SLC24A2: variants seen among roughly 807,000 people sequenced by gnomAD.
SLC24A2 encodes the protein sodium/potassium/calcium exchanger 2.
A neutral mutation model predicts 62.0 loss-of-function variants in SLC24A2; 36 were observed. The ratio of observed to expected loss-of-function variants is 0.58; its 90% CI spans 0.44 to 0.77. The LOEUF is 0.77. Ranked by LOEUF, SLC24A2 falls within the 30% of genes least tolerant of loss-of-function variation. The pLI is 0.00. For synonymous variants in SLC24A2, 358 were observed against 294.0 expected (o/e 1.22, Z -2.23); for missense variants, 846 against 817.9 (o/e 1.03, Z -0.42).
At chr9:19,971,782 C>T in the SLC24A2 span, among the ~76,000 whole-genome samples, 1,437 of 152,204 alleles carry the variant, frequency 9.4e-3, 20 homozygotes, top group African/African-American at 0.033. Flanking sequence ...ATGATGATGA[C>T]GATGGCTGAC....
chr9:20,084,178 C>G, the SLC24A2 span, among the ~76,000 whole-genome samples: 1 of 152,206 alleles, frequency 6.6e-6, no homozygotes, highest in African/African-American at 2.4e-5. Context: ...CCAAGTTAAA[C>G]TGGTGAGCTT....
chr9:19,648,180 A>G (rs1330151147), intron 2 of SLC24A2, among the ~76,000 whole-genome samples: 1 of 152,240 alleles, frequency 6.6e-6, no homozygotes, highest in East Asian at 1.9e-4. Context: ...TATCTTCATT[A>G]GCCACATGGG....
At chr9:19,906,907 G>A in the SLC24A2 span, among the ~76,000 whole-genome samples, 2 of 152,260 alleles carry the variant, frequency 1.3e-5, no homozygotes, top group East Asian at 1.9e-4. Context: ...ACAAGGAGGA[G>A]CTGGCACCAT....
chr9:20,080,225 T>G, the SLC24A2 span, among the ~76,000 whole-genome samples: 1 of 152,222 alleles, frequency 6.6e-6, no homozygotes, highest in African/African-American at 2.4e-5. Context: ...GACTTCAAAC[T>G]ATACTACAAG....
At chr9:20,259,639 A>G in the SLC24A2 span, among the ~76,000 whole-genome samples, 1 of 152,046 alleles carries the variant, frequency 6.6e-6, no homozygotes, top group Middle Eastern at 3.2e-3. Context: ...GAGAGACTTG[A>G]GATCCAAATA....
At chr9:19,559,102 T>C (rs1215282307) in intron 7 of SLC24A2, among the ~76,000 whole-genome samples, 2 of 152,214 alleles carry the variant, frequency 1.3e-5, no homozygotes, top group Non-Finnish European at 2.9e-5. Flanking sequence ...ACAAGAGTAT[T>C]TGGCACATAG....
At chr9:20,278,475 T>C in the SLC24A2 span, among the ~76,000 whole-genome samples, 8 of 152,178 alleles carry the variant, frequency 5.3e-5, no homozygotes, top group African/African-American at 1.9e-4. Flanking sequence ...AAGTTCAAAG[T>C]TCCACAGGTC....
chr9:20,018,501 C>T, the SLC24A2 span, among the ~76,000 whole-genome samples: 2 of 152,278 alleles, frequency 1.3e-5, no homozygotes, highest in Non-Finnish European at 2.9e-5. Context: ...GCTTCTTCTC[C>T]TTCTCCTCCT....
the SLC24A2 span, among the ~76,000 whole-genome samples, chr9:20,208,431 T>C: frequency 1.3e-5 from 2 of 152,154 alleles, no homozygotes; most frequent in African/African-American, 4.8e-5. Context: ...TTCCGGGTGG[T>C]CTGTATTCAT....
intron 7 of SLC24A2, among the ~76,000 whole-genome samples, chr9:19,562,275 GATTAAA>G (rs1434657483): frequency 6.6e-6 from 1 of 152,100 alleles, no homozygotes; most frequent in East Asian, 1.9e-4. Context: ...TTATCAACTG[GATTAAA>G]ATTAAAATTA....
At chr9:20,247,833 T>G in the SLC24A2 span, among the ~76,000 whole-genome samples, 1 of 152,360 alleles carries the variant, frequency 6.6e-6, no homozygotes, top group African/African-American at 2.4e-5. Context: ...CAAACTTATT[T>G]ACTGTGCAAA....
the SLC24A2 span, among the ~76,000 whole-genome samples, chr9:19,942,864 C>T: frequency 3.3e-5 from 5 of 152,090 alleles, no homozygotes; most frequent in Admixed American, 3.3e-4. Context: ...CGCCGATGAG[C>T]CAACAAAGAC....
the SLC24A2 span, among the ~76,000 whole-genome samples, chr9:20,047,208 A>G: frequency 1.3e-5 from 2 of 152,162 alleles, no homozygotes; most frequent in Non-Finnish European, 2.9e-5. Context: ...ATTTGAGAAC[A>G]CCAGCTTTGG....
the SLC24A2 span, among the ~76,000 whole-genome samples, chr9:19,820,034 T>C: frequency 2.9e-5 from 1 of 34,456 alleles, no homozygotes; most frequent in African/African-American, 5.7e-5. Flanking sequence ...TACACATATA[T>C]ATATATACAT....
chr9:19,992,866 G>A, the SLC24A2 span, among the ~76,000 whole-genome samples: 13 of 152,176 alleles, frequency 8.5e-5, no homozygotes, highest in Non-Finnish European at 1.9e-4. Context: ...CCTGGGAACC[G>A]CAGGACAATC....
the SLC24A2 span, among the ~76,000 whole-genome samples, chr9:20,229,819 G>C: frequency 6.6e-6 from 1 of 151,560 alleles, no homozygotes; most frequent in Non-Finnish European, 1.5e-5. Flanking sequence ...TGTCATGTTG[G>C]TATGCTGCAC....
At chr9:19,855,467 C>T in the SLC24A2 span, among the ~76,000 whole-genome samples, 1 of 152,132 alleles carries the variant, frequency 6.6e-6, no homozygotes, top group Non-Finnish European at 1.5e-5. Flanking sequence ...TTCAGGAGCT[C>T]TTGCAAGGCA....
the SLC24A2 span, among the ~76,000 whole-genome samples, chr9:20,163,823 C>T: frequency 2.6e-3 from 395 of 152,114 alleles, 2 homozygotes; most frequent in African/African-American, 8.7e-3. Flanking sequence ...TCAGAAGTAA[C>T]GCCGCATATC....
chr9:19,929,465 G>A, the SLC24A2 span: 2 of 152,062 alleles, frequency 1.3e-5, no homozygotes, highest in Admixed American at 6.6e-5. Context: ...GTGATCCCAG[G>A]ACCTGAAAAT....
Sources: gnomAD v4.1 joint callset for allele counts (sites outside exome capture counted in the v4.1 genomes callset) on GRCh38, gnomAD v4.1.1 for gene constraint, MANE v1.5 for transcripts, NCBI Gene and HGNC (gene_info 2026-07-23, HGNC 2026-07-21) for gene names.